The following CKAP2L variants were observed in gnomAD, a reference collection of about 807,000 sequenced individuals.
CKAP2L encodes the protein cytoskeleton-associated protein 2-like.
A neutral mutation model predicts 65.7 loss-of-function variants in CKAP2L; 42 were observed. The ratio of observed to expected loss-of-function variants is 0.64; its 90% confidence interval spans 0.50 to 0.83. The LOEUF is 0.83. Among genes scored for constraint, CKAP2L ranks in the 40% least tolerant of loss-of-function variants. The pLI is 0.00. For missense variants in CKAP2L, 908 were observed against 871.0 expected, an observed-to-expected ratio of 1.04 and a Z score of -0.53; for synonymous variants, 325 against 313.5, an observed-to-expected ratio of 1.04 and a Z score of -0.39.
chr2:112,758,780 A>G (rs918896074), intron 3 of CKAP2L, among the ~76,000 whole-genome samples: 2 of 151,994 alleles, frequency 1.3e-5, no homozygotes, highest in Non-Finnish European at 2.9e-5. Flanking sequence ...GTAAGTGCAC[A>G]CTTCTGTGGA....
chr2:112,739,719 A>G (rs1679738893), intron 8 of CKAP2L, among the ~76,000 whole-genome samples: 1 of 152,206 alleles, frequency 6.6e-6, no homozygotes, highest in African/African-American at 2.4e-5. Context: ...CAGTGGTGCA[A>G]TCACAGCTCA....
In CKAP2L at chr2:112,757,228, G is replaced by GA. The variant is rs1345384668; in HGVS notation, c.157-15dup. 1 of 1,532,146 alleles carries GA rather than the reference G, an allele frequency of 6.5e-7. No individual in the cohort carries two copies. The highest frequency in any genetic ancestry group is 1.2e-5 in the South Asian group (1 of 82,704). 94.9% of individuals were successfully genotyped at this position (1,532,146 alleles called of 1,614,324 possible). On this transcript the variant is annotated splice_polypyrimidine_tract_variant and intron_variant, in intron 3 of 8. Transcript: ENST00000302450. ...GGGTCTAATAGTCTGAAAAAACAAA[G>GA]AAAATACATATTAAAAAATCCTTAA...
At position 112,737,875 on chromosome 2, in the gene CKAP2L, A is replaced by G. The variant is rs1679429278; in HGVS notation, c.*948T>C. The stretch of plus-strand genomic sequence containing the variant: ...TAAATAAGATAAACAAGCAGGAACT[A>G]ATAGAAATTTAATGTTGTTTTAAGA... On this transcript the variant is annotated 3_prime_UTR_variant, in exon 9 of 9. Transcript: ENST00000302450. The G allele has an allele frequency of 6.6e-6, 1 of 152,244 alleles. No homozygotes were observed. Among genetic ancestry groups the G allele is most frequent in the Non-Finnish European group, 1.5e-5 (1 of 68,054 alleles). The allele number at this position is 152,244 out of a possible 1,614,324, so 9.4% of individuals were successfully genotyped here. A position where few individuals can be genotyped will look rare whatever the true frequency, so the allele number is the denominator to read the frequency against.
chr2:112,746,365 A>G, intron 6 of CKAP2L, 55 bp downstream of exon 6: 1 of 1,450,770 alleles, frequency 6.9e-7, no homozygotes, highest in East Asian at 2.3e-5. Flanking sequence ...ACAACAACAG[A>G]GAACTCACAT....
rs758859918 is a variant in CKAP2L, at chr2:112,739,041, C to CATTTTTCCTT, written c.2019_2020insAAGGAAAAAT (p.Gly674LysfsTer24). 1.9e-6 allele frequency: 3 copies of CATTTTTCCTT among 1,613,314 alleles called. No individual in the cohort carries two copies. The South Asian group carries it at 3.3e-5, about 18-fold the overall frequency. ...TTCATGTCTTGCACTTCCGGCATCC[C>CATTTTTCCTT]ATTTATTCTGAGAGACAGCAAGAGA... On this transcript the variant is annotated frameshift_variant, in exon 9 of 9. Transcript: ENST00000302450. LOFTEE classifies it high-confidence loss of function.
At position 112,741,715 on chromosome 2, in the gene CKAP2L, A is replaced by ATAC. The variant is rs1231340847; in HGVS notation, c.1823-709_1823-708insGTA. Among the ~76,000 whole-genome samples, 3 of 152,256 alleles carry ATAC rather than the reference A, an allele frequency of 2.0e-5. No homozygotes were observed. In the East Asian group the frequency reaches 5.8e-4, roughly 29 times the overall value. The stretch of plus-strand genomic sequence containing the variant: ...ATCTATTTTATGTCCTTCTTACCAC[A>ATAC]TGTAGTGGGTTACTTAGCTACATGA... On this transcript the variant is annotated intron_variant, in intron 7 of 8. Transcript: ENST00000302450.
At chr2:112,757,534 G>T (rs1173026320) in intron 3 of CKAP2L, among the ~76,000 whole-genome samples, 1 of 151,794 alleles carries the variant, frequency 6.6e-6, no homozygotes, top group Non-Finnish European at 1.5e-5. Flanking sequence ...GACTACAGGC[G>T]CATGTCACTA....
intron 3 of CKAP2L, among the ~76,000 whole-genome samples, chr2:112,759,840 C>G (rs1411552362): frequency 6.6e-6 from 1 of 151,762 alleles, no homozygotes; most frequent in Non-Finnish European, 1.5e-5. Context: ...AAAATTCTCA[C>G]CAGTGAGAAT....
chr2:112,750,893 C>T (rs564125905), intron 5 of CKAP2L, among the ~76,000 whole-genome samples: 1 of 150,694 alleles, frequency 6.6e-6, no homozygotes, highest in Non-Finnish European at 1.5e-5. Flanking sequence ...GACATTGATG[C>T]AAGAGAAAAA....
At chr2:112,739,170 A>T in intron 8 of CKAP2L, 122 bp from the exon 9 acceptor site, 1 of 770,456 alleles carries the variant, frequency 1.3e-6, no homozygotes, top group Non-Finnish European at 2.1e-6. Flanking sequence ...GATACAAGAG[A>T]TATGTCTAGA....
At chr2:112,763,032 T>G (rs554451384) in intron 1 of CKAP2L, among the ~76,000 whole-genome samples, 1 of 152,310 alleles carries the variant, frequency 6.6e-6, no homozygotes, top group South Asian at 2.1e-4. Flanking sequence ...GTGACCCTCC[T>G]GCTTTGGCCT....
At chr2:112,754,007 G>A (rs987654405) in intron 4 of CKAP2L, among the ~76,000 whole-genome samples, 20 of 152,164 alleles carry the variant, frequency 1.3e-4, no homozygotes, top group Admixed American at 1.3e-4. Flanking sequence ...CAGAAACCTT[G>A]GCAGTCCAGT....
chr2:112,746,489 C>T lies in CKAP2L; in HGVS notation c.1689G>A (p.Lys563=), dbSNP rs775032824. 11 of 1,613,378 alleles carry T rather than the reference C, an allele frequency of 6.8e-6. No individual in the cohort carries two copies. In the Admixed American group the frequency reaches 1.3e-4, roughly 20 times the overall value. ...CAAAGGTGCCTTTACTTGCCAACAA[C>T]TTTGCTTTGCAGATCCAGAATTTAG... ...KFAKFWICKA[K]LLASKGTFDV... Residue 563 remains lysine (K), a synonymous_variant, in exon 6 of 9, where the codon AAG becomes AAA. Transcript: ENST00000302450.
chr2:112,751,307 T>C (rs773449587), intron 5 of CKAP2L, among the ~76,000 whole-genome samples: 3 of 152,150 alleles, frequency 2.0e-5, no homozygotes, highest in Non-Finnish European at 4.4e-5. Flanking sequence ...AATAAAAGAA[T>C]TGCAACTCAC....
At chr2:112,754,818 C>G (rs529593762) in intron 4 of CKAP2L, among the ~76,000 whole-genome samples, 7 of 152,218 alleles carry the variant, frequency 4.6e-5, no homozygotes, top group African/African-American at 1.7e-4. Context: ...TTCACCACCT[C>G]AAGGTCTCTG....
At chr2:112,752,524 C>A in intron 4 of CKAP2L, 50 bp from the exon 5 acceptor site, 1 of 1,149,530 alleles carries the variant, frequency 8.7e-7, no homozygotes, top group South Asian at 1.4e-5. Context: ...TAAACATAGT[C>A]AAGCTGCTAA....
In CKAP2L at chr2:112,756,879, G is replaced by A; in HGVS notation, c.492C>T (p.Asp164=). The change falls in exon 4 of 9, where the codon GAC becomes GAT. Residue 164 remains aspartate, a synonymous_variant. Coordinates refer to ENST00000302450, the MANE Select transcript of CKAP2L (RefSeq NM_152515.5). ...LTDQGNGKCI[D]FMNNIHVENE... is the part of the protein sequence containing the mutation. ...TTTCAACATGGATATTATTCATAAA[G>A]TCTATACATTTACCATTTCCTTGAT... is the stretch of plus-strand genomic sequence containing the variant. 1 of 1,612,578 alleles carries A rather than the reference G, an allele frequency of 6.2e-7. No homozygotes were observed. Among genetic ancestry groups the A allele is most frequent in the Non-Finnish European group, 8.5e-7 (1 of 1,179,396 alleles).
In CKAP2L at chr2:112,757,137, G is replaced by A; in HGVS notation, c.234C>T (p.Leu78=). The stretch of plus-strand genomic sequence containing the variant: ...CTGCAGTATTAGGTGGTCTGGGCTG[G>A]AGTTTAATGCTGATGGACCTTTTAG... The part of the protein sequence containing the change: ...VKPKRSISIK[L]QPRPPNTAGS... The change falls in exon 4 of 9, where the codon CTC becomes CTT. Residue 78 remains leucine (L), a synonymous_variant. Coordinates refer to ENST00000302450, the MANE Select transcript of CKAP2L (RefSeq NM_152515.5). The A allele has an allele frequency of 6.2e-7, 1 of 1,614,084 alleles. No homozygotes were observed. Among genetic ancestry groups the A allele is most frequent in the Non-Finnish European group, 8.5e-7 (1 of 1,180,010 alleles).
At chr2:112,742,266 T>TTA (rs1186542494) in intron 7 of CKAP2L, 2 of 665,812 alleles carry the variant, frequency 3.0e-6, no homozygotes, top group African/African-American at 3.6e-5. Context: ...CTTCTAAAGG[T>TTA]TATGACCACT....
Sources: gnomAD v4.1 joint callset for allele counts (sites outside exome capture counted in the v4.1 genomes callset) on GRCh38, gnomAD v4.1.1 for gene constraint, MANE v1.5 for transcripts, NCBI Gene and HGNC (gene_info 2026-07-23, HGNC 2026-07-21) for gene names.